Variants in DNAJC1 observed in about 807,000 individuals in gnomAD.
DNAJC1 encodes DnaJ heat shock protein family (Hsp40) member C1.
DNAJC1 carries 58 observed loss-of-function variants against 76.6 expected under a neutral mutation model. That is an observed-to-expected ratio of 0.76 (90% CI 0.61 to 0.94). DNAJC1 has a LOEUF of 0.94. DNAJC1 is among the 40% of genes least tolerant of loss of function. DNAJC1 has a pLI of 0.00. For synonymous variants in DNAJC1, 258 were observed against 267.9 expected (o/e 0.96, Z 0.36); for missense variants, 689 against 677.3 (o/e 1.02, Z -0.19).
At chr10:21,966,214 G>C (rs191262464) in intron 1 of DNAJC1, among the ~76,000 whole-genome samples, 1 of 152,226 alleles carries the variant, frequency 6.6e-6, no homozygotes, top group Non-Finnish European at 1.5e-5. Context: ...TAAATATGCT[G>C]ATATATGTTC....
intron 1 of DNAJC1, among the ~76,000 whole-genome samples, chr10:21,990,747 T>A (rs1361343964): frequency 1.3e-5 from 2 of 152,230 alleles, no homozygotes; most frequent in Non-Finnish European, 2.9e-5. Context: ...GTTTTGTTGT[T>A]GTTTTTCCCT....
chr10:21,839,559 C>G (rs545467636), intron 8 of DNAJC1, among the ~76,000 whole-genome samples: 1 of 152,076 alleles, frequency 6.6e-6, no homozygotes, highest in Non-Finnish European at 1.5e-5. Context: ...AGGAAGAAGT[C>G]GAATCTCTGA....
intron 1 of DNAJC1, among the ~76,000 whole-genome samples, chr10:21,950,805 C>G (rs941377837): frequency 6.6e-6 from 1 of 152,282 alleles, no homozygotes; most frequent in East Asian, 1.9e-4. Context: ...CCACAACATT[C>G]CCTTGAGCCA....
intron 1 of DNAJC1, among the ~76,000 whole-genome samples, chr10:21,980,946 T>A (rs1185790275): frequency 1.3e-5 from 2 of 152,130 alleles, no homozygotes; most frequent in Admixed American, 6.5e-5. Flanking sequence ...AAAAATTCAG[T>A]TTGTTAATAT....
chr10:21,838,218 T>C (rs1835504833), intron 8 of DNAJC1, among the ~76,000 whole-genome samples: 2 of 152,206 alleles, frequency 1.3e-5, no homozygotes, highest in Non-Finnish European at 2.9e-5. Flanking sequence ...AGAAATCAGA[T>C]TGTTGCTGTG....
chr10:21,872,330 A>G (rs978621172), intron 8 of DNAJC1, among the ~76,000 whole-genome samples: 69 of 152,236 alleles, frequency 4.5e-4, no homozygotes, highest in African/African-American at 1.6e-3. Flanking sequence ...TCGGCCTCCC[A>G]AAGTGCTGTG....
intron 9 of DNAJC1, among the ~76,000 whole-genome samples, chr10:21,794,121 C>A (rs536949261): frequency 3.6e-4 from 55 of 151,960 alleles, no homozygotes; most frequent in African/African-American, 1.3e-3. Context: ...CACAAAAAAA[C>A]TAGTTGGGTG....
intron 8 of DNAJC1, among the ~76,000 whole-genome samples, chr10:21,818,515 C>G (rs2131656455): frequency 6.6e-6 from 1 of 152,276 alleles, no homozygotes; most frequent in Admixed American, 6.5e-5. Context: ...TGACCCACAC[C>G]CTTTTCGTAT....
At chr10:21,831,471 C>T (rs116956576) in intron 8 of DNAJC1, among the ~76,000 whole-genome samples, 354 of 152,272 alleles carry the variant, frequency 2.3e-3, no homozygotes, top group Non-Finnish European at 4.1e-3. Context: ...ACTATGATTA[C>T]TTTTGTTGTT....
At chr10:21,898,043 T>C (rs1014261906) in intron 7 of DNAJC1, among the ~76,000 whole-genome samples, 2 of 152,172 alleles carry the variant, frequency 1.3e-5, no homozygotes, top group Admixed American at 1.3e-4. Flanking sequence ...AATATCTGCA[T>C]TCAAAAATCA....
At chr10:21,997,247 T>G (rs1336320456) in intron 1 of DNAJC1, among the ~76,000 whole-genome samples, 2 of 152,138 alleles carry the variant, frequency 1.3e-5, no homozygotes, top group African/African-American at 4.8e-5. Context: ...CATTAACTGG[T>G]TTTTCCCATC....
intron 1 of DNAJC1, among the ~76,000 whole-genome samples, chr10:21,967,350 A>G (rs1837910818): frequency 6.6e-6 from 1 of 152,164 alleles, no homozygotes; most frequent in Non-Finnish European, 1.5e-5. Context: ...CATCCATACC[A>G]TCACATGTAT....
chr10:21,936,640 A>T (rs12098405), intron 1 of DNAJC1, among the ~76,000 whole-genome samples: 19,627 of 152,156 alleles, frequency 0.13, 3,347 homozygotes, highest in African/African-American at 0.39. Flanking sequence ...AAATTAATTT[A>T]AAATTTTTCC....
At chr10:21,906,968 C>T (rs767101847) in intron 6 of DNAJC1, among the ~76,000 whole-genome samples, 5 of 152,078 alleles carry the variant, frequency 3.3e-5, no homozygotes, top group African/African-American at 4.8e-5. Context: ...ACCAAAATTC[C>T]CCTGCCAAAT....
chr10:21,999,880 G>A (rs914836995), intron 1 of DNAJC1, among the ~76,000 whole-genome samples: 15 of 151,976 alleles, frequency 9.9e-5, no homozygotes, highest in Admixed American at 5.2e-4. Flanking sequence ...TAAGTGCCTC[G>A]GACTCCCAAA....
At chr10:21,901,023 G>A (rs141564359) in intron 7 of DNAJC1, among the ~76,000 whole-genome samples, 1,610 of 152,226 alleles carry the variant, frequency 0.011, 22 homozygotes, top group African/African-American at 0.035. Flanking sequence ...GTCACATTCT[G>A]TCCCCCCACT....
intron 8 of DNAJC1, among the ~76,000 whole-genome samples, chr10:21,823,832 C>T (rs1375463156): frequency 2.0e-5 from 3 of 151,810 alleles, no homozygotes; most frequent in Non-Finnish European, 2.9e-5. Flanking sequence ...GGGCCGCATC[C>T]AGTCTGTGGG....
At chr10:21,887,821 G>A (rs933101286) in intron 7 of DNAJC1, among the ~76,000 whole-genome samples, 1 of 152,148 alleles carries the variant, frequency 6.6e-6, no homozygotes, top group Non-Finnish European at 1.5e-5. Flanking sequence ...CTGGATGTAG[G>A]AATGGGCCAA....
intron 9 of DNAJC1, among the ~76,000 whole-genome samples, chr10:21,802,331 T>C (rs1365500438): frequency 1.3e-5 from 2 of 152,148 alleles, no homozygotes; most frequent in Non-Finnish European, 2.9e-5. Context: ...AATAACAATA[T>C]ATTTGCCAAG....
Sources: gnomAD v4.1 joint callset for allele counts (sites outside exome capture counted in the v4.1 genomes callset) on GRCh38, gnomAD v4.1.1 for gene constraint, MANE v1.5 for transcripts, NCBI Gene and HGNC (gene_info 2026-07-23, HGNC 2026-07-21) for gene names.